The following MED12L variants were observed in gnomAD, a reference collection of about 807,000 sequenced individuals.
MED12L encodes the protein mediator complex subunit 12L.
A neutral mutation model predicts 281.3 loss-of-function variants in MED12L; 60 were observed. That is an observed-to-expected ratio of 0.21 (90% confidence interval 0.17 to 0.26). The LOEUF is 0.26. Ranked by LOEUF, MED12L falls within the 10% of genes least tolerant of loss-of-function variation. The pLI is 1.00. For missense variants in MED12L, 2,146 were observed against 2,680.9 expected (o/e 0.80, Z 4.41); for synonymous variants, 974 against 987.2 (o/e 0.99, Z 0.25).
intron 2 of MED12L, among the ~76,000 whole-genome samples, chr3:151,097,337 C>T (rs1218406858): frequency 5.3e-5 from 8 of 152,240 alleles, no homozygotes; most frequent in Admixed American, 5.2e-4. Flanking sequence ...TTTTATTTTC[C>T]ATGTTTTGCA....
intron 11 of MED12L, among the ~76,000 whole-genome samples, chr3:151,175,489 C>T (rs1721936991): frequency 6.6e-6 from 1 of 152,092 alleles, no homozygotes; most frequent in Non-Finnish European, 1.5e-5. Flanking sequence ...TTTTCCCCCA[C>T]TCCTTTTTAT....
intron 33 of MED12L, among the ~76,000 whole-genome samples, chr3:151,383,497 A>T (rs527834933): frequency 2.6e-5 from 4 of 152,364 alleles, no homozygotes; most frequent in Admixed American, 1.3e-4. Context: ...ACTGGACATC[A>T]TAAAAGATTT....
chr3:151,299,878 C>G (rs1745665942), intron 16 of MED12L, among the ~76,000 whole-genome samples: 1 of 152,128 alleles, frequency 6.6e-6, no homozygotes, highest in Non-Finnish European at 1.5e-5. Context: ...AAAATGATAG[C>G]AAGCTAAATT....
chr3:151,316,814 G>A (rs1472122), intron 16 of MED12L: 73,805 of 151,980 alleles, frequency 0.49, 18,012 homozygotes, highest in Middle Eastern at 0.63. Flanking sequence ...CCTGCCAGGC[G>A]ACTACTGGAA....
chr3:151,199,152 G>A, intron 16 of MED12L: 1 of 1,614,164 alleles, frequency 6.2e-7, no homozygotes, highest in African/African-American at 1.3e-5. Context: ...AGCTTCCAAG[G>A]TGCCACACCC....
At chr3:151,328,075 C>A (rs371851954) in intron 16 of MED12L, 1 of 1,610,456 alleles carries the variant, frequency 6.2e-7, no homozygotes, top group East Asian at 2.2e-5. Flanking sequence ...TACATGGTAG[C>A]TTTTCTGTGA....
chr3:151,109,496 C>T (rs1016675699), intron 2 of MED12L, among the ~76,000 whole-genome samples: 1 of 152,172 alleles, frequency 6.6e-6, no homozygotes, highest in East Asian at 1.9e-4. Context: ...TTATTTTAGT[C>T]GAAACCAATG....
At chr3:151,214,000 T>C in intron 16 of MED12L, 1 of 1,614,048 alleles carries the variant, frequency 6.2e-7, no homozygotes, top group Non-Finnish European at 8.5e-7. Flanking sequence ...AATGCTGACG[T>C]ACATGTTGAC....
At chr3:151,416,223 A>C in intron 42 of MED12L, 89 bp from the exon 43 acceptor site, 1 of 1,607,092 alleles carries the variant, frequency 6.2e-7, no homozygotes, top group South Asian at 1.1e-5. Context: ...CAACATAAAA[A>C]TTAGATAAAA....
chr3:151,403,447 G>A (rs899680282), intron 39 of MED12L, among the ~76,000 whole-genome samples: 1 of 152,204 alleles, frequency 6.6e-6, no homozygotes, highest in East Asian at 1.9e-4. Context: ...GAAAACTGTG[G>A]TTATGAAACT....
At chr3:151,223,464 G>C (rs1729824273) in intron 16 of MED12L, among the ~76,000 whole-genome samples, 1 of 152,134 alleles carries the variant, frequency 6.6e-6, no homozygotes. Flanking sequence ...TGATGGATTG[G>C]ATGAAGAAAA....
chr3:151,089,483 T>TTTTCTGA (rs943110419), intron 2 of MED12L, among the ~76,000 whole-genome samples: 2 of 152,060 alleles, frequency 1.3e-5, no homozygotes, highest in African/African-American at 2.4e-5. Flanking sequence ...ATTTGTAAAT[T>TTTTCTGA]AGTTTGTGCA....
intron 2 of MED12L, among the ~76,000 whole-genome samples, chr3:151,090,249 A>G (rs1442565188): frequency 6.6e-6 from 1 of 152,062 alleles, no homozygotes; most frequent in African/African-American, 2.4e-5. Flanking sequence ...TGATAATACT[A>G]CTTAACTCAT....
intron 16 of MED12L, among the ~76,000 whole-genome samples, chr3:151,298,478 G>A (rs549416472): frequency 1.3e-5 from 2 of 152,278 alleles, no homozygotes; most frequent in East Asian, 3.9e-4. Context: ...TGTTTACTAG[G>A]GTGGTATTCT....
chr3:151,310,813 A>G (rs945510553), intron 16 of MED12L, among the ~76,000 whole-genome samples: 1 of 152,226 alleles, frequency 6.6e-6, no homozygotes. Context: ...ATAAATAATT[A>G]TATGAGTACA....
intron 16 of MED12L, among the ~76,000 whole-genome samples, chr3:151,251,295 T>C (rs1385860723): frequency 6.6e-6 from 1 of 152,192 alleles, no homozygotes; most frequent in East Asian, 1.9e-4. Flanking sequence ...CAATTTGTGA[T>C]AATACCATCT....
chr3:151,189,291 G>T (rs768106344), intron 13 of MED12L, among the ~76,000 whole-genome samples: 15 of 152,198 alleles, frequency 9.9e-5, no homozygotes, highest in African/African-American at 3.4e-4. Flanking sequence ...GGCTCTCTCA[G>T]TTATTTGGTG....
At chr3:151,322,612 G>A (rs771571945) in intron 16 of MED12L, among the ~76,000 whole-genome samples, 1 of 152,080 alleles carries the variant, frequency 6.6e-6, no homozygotes, top group Non-Finnish European at 1.5e-5. Flanking sequence ...CAGAGTTATC[G>A]TTGACCTTAT....
At chr3:151,189,843 G>A (rs1027463318) in intron 13 of MED12L, among the ~76,000 whole-genome samples, 1 of 152,198 alleles carries the variant, frequency 6.6e-6, no homozygotes, top group African/African-American at 2.4e-5. Flanking sequence ...AAGTCATAAT[G>A]TGAGTTAAAT....
Sources: allele counts gnomAD v4.1 joint callset (sites outside exome capture counted in the v4.1 genomes callset), GRCh38; gene constraint gnomAD v4.1.1; transcripts MANE v1.5; gene names NCBI Gene and HGNC (gene_info 2026-07-23, HGNC 2026-07-21).